CDYL2: variants seen among roughly 807,000 people sequenced by gnomAD.
The protein encoded by CDYL2 is chromodomain Y like 2, also known as chromodomain Y-like protein 2.
A neutral mutation model predicts 49.4 loss-of-function variants in CDYL2; 23 were observed. The observed-to-expected ratio is 0.47, with a 90% CI of 0.34 to 0.66. The LOEUF is 0.66. CDYL2 is among the 30% of genes least tolerant of loss of function. The pLI is 0.01. For synonymous variants in CDYL2, 360 were observed against 268.8 expected (o/e 1.34, Z -3.32); for missense variants, 678 against 656.4 (o/e 1.03, Z -0.36).
At chr16:80,720,932 T>A (rs1487196550) in intron 1 of CDYL2, among the ~76,000 whole-genome samples, 1 of 152,090 alleles carries the variant, frequency 6.6e-6, no homozygotes, top group Non-Finnish European at 1.5e-5. Flanking sequence ...AATAAGGGAA[T>A]AGACTAAAAT....
intron 1 of CDYL2, among the ~76,000 whole-genome samples, chr16:80,766,951 T>A (rs922170942): frequency 6.6e-6 from 1 of 152,110 alleles, no homozygotes; most frequent in Non-Finnish European, 1.5e-5. Flanking sequence ...AAGAAACAGG[T>A]ACTATTATTG....
intron 2 of CDYL2, chr16:80,679,708 A>G (rs1459994606): frequency 1.1e-5 from 5 of 456,154 alleles, no homozygotes; most frequent in Non-Finnish European, 2.2e-5. Flanking sequence ...GCAGAGCACA[A>G]GCACTTCAAG....
At chr16:80,631,670 T>C (rs1203851820) in intron 3 of CDYL2, among the ~76,000 whole-genome samples, 2 of 152,160 alleles carry the variant, frequency 1.3e-5, no homozygotes, top group African/African-American at 4.8e-5. Flanking sequence ...CCTTACTATC[T>C]AGAGTAAATA....
chr16:80,607,093 G>C (rs1906371592), intron 6 of CDYL2, among the ~76,000 whole-genome samples: 1 of 152,206 alleles, frequency 6.6e-6, no homozygotes, highest in Non-Finnish European at 1.5e-5. Flanking sequence ...CTAGTCATTA[G>C]TAAGATTAAA....
intron 3 of CDYL2, among the ~76,000 whole-genome samples, chr16:80,628,582 C>A (rs1042013511): frequency 6.6e-6 from 1 of 152,206 alleles, no homozygotes; most frequent in Non-Finnish European, 1.5e-5. Context: ...AAGCATCTGG[C>A]TGAGCCATGC....
At chr16:80,742,570 A>G (rs1905779556) in intron 1 of CDYL2, among the ~76,000 whole-genome samples, 1 of 151,620 alleles carries the variant, frequency 6.6e-6, no homozygotes. Context: ...ATGAGTGGAT[A>G]TATAAATGGG....
At chr16:80,803,510 G>A (rs964448339) in intron 1 of CDYL2, among the ~76,000 whole-genome samples, 2 of 152,006 alleles carry the variant, frequency 1.3e-5, no homozygotes, top group Non-Finnish European at 2.9e-5. Context: ...GTCCGAGCTG[G>A]TGCGGGGGCA....
chr16:80,632,725 G>A (rs1235322705), intron 3 of CDYL2: 2 of 369,072 alleles, frequency 5.4e-6, no homozygotes, highest in East Asian at 1.0e-4. Flanking sequence ...AAGATGTGAT[G>A]TTTGGATTCT....
intron 1 of CDYL2, among the ~76,000 whole-genome samples, chr16:80,762,452 C>T (rs966710398): frequency 6.6e-6 from 1 of 152,150 alleles, no homozygotes; most frequent in Non-Finnish European, 1.5e-5. Context: ...AGCCTGAACA[C>T]GGTGGGCAAC....
intron 5 of CDYL2, among the ~76,000 whole-genome samples, chr16:80,610,892 C>T (rs1906565583): frequency 1.3e-5 from 2 of 152,134 alleles, no homozygotes; most frequent in Admixed American, 1.3e-4. Context: ...GCAGACCTTG[C>T]TGAGGCAGGC....
intron 1 of CDYL2, among the ~76,000 whole-genome samples, chr16:80,745,667 C>T (rs1331846637): frequency 2.0e-5 from 3 of 152,098 alleles, no homozygotes; most frequent in South Asian, 2.1e-4. Context: ...GATGACAGTG[C>T]GCAAGTTATC....
At chr16:80,796,580 T>G (rs1907774572) in intron 1 of CDYL2, among the ~76,000 whole-genome samples, 1 of 152,238 alleles carries the variant, frequency 6.6e-6, no homozygotes, top group Non-Finnish European at 1.5e-5. Flanking sequence ...ATCTGTTATA[T>G]GTCAGCAGGG....
intron 3 of CDYL2, chr16:80,632,632 T>G (rs958708519): frequency 4.1e-6 from 1 of 240,994 alleles, no homozygotes; most frequent in African/African-American, 2.2e-5. Context: ...ATAAACTGAG[T>G]GAGATACATT....
intron 2 of CDYL2, among the ~76,000 whole-genome samples, chr16:80,653,477 A>C (rs1908674581): frequency 6.6e-6 from 1 of 152,226 alleles, no homozygotes; most frequent in Admixed American, 6.5e-5. Flanking sequence ...AAAAACAAAA[A>C]AGCAAACAAA....
chr16:80,748,775 T>G (rs1463467899), intron 1 of CDYL2, among the ~76,000 whole-genome samples: 1 of 152,092 alleles, frequency 6.6e-6, no homozygotes, highest in Non-Finnish European at 1.5e-5. Context: ...AACTTAACAG[T>G]TGATCCCTGT....
At chr16:80,625,563 G>T (rs541808131) in intron 3 of CDYL2, among the ~76,000 whole-genome samples, 2 of 152,262 alleles carry the variant, frequency 1.3e-5, no homozygotes, top group Non-Finnish European at 2.9e-5. Flanking sequence ...TGGGGAGAGG[G>T]CTTCTATCTA....
chr16:80,610,287 C>G (rs1201677821), intron 5 of CDYL2, among the ~76,000 whole-genome samples: 1 of 152,170 alleles, frequency 6.6e-6, no homozygotes, highest in East Asian at 1.9e-4. Context: ...AGCACCTGCC[C>G]TTCCACAGGT....
At chr16:80,718,821 C>T (rs1285340237) in intron 1 of CDYL2, among the ~76,000 whole-genome samples, 1 of 152,160 alleles carries the variant, frequency 6.6e-6, no homozygotes, top group Non-Finnish European at 1.5e-5. Flanking sequence ...GAATCCCAGT[C>T]CCTAAAAGAG....
At chr16:80,737,107 T>C (rs562346623) in intron 1 of CDYL2, among the ~76,000 whole-genome samples, 2 of 152,282 alleles carry the variant, frequency 1.3e-5, no homozygotes, top group South Asian at 2.1e-4. Flanking sequence ...GGACAGCCTG[T>C]AGGAAAACTG....
Sources: allele counts gnomAD v4.1 joint callset (sites outside exome capture counted in the v4.1 genomes callset), GRCh38; gene constraint gnomAD v4.1.1; transcripts MANE v1.5; gene names NCBI Gene and HGNC (gene_info 2026-07-23, HGNC 2026-07-21).